The following CFLAR variants were observed in gnomAD, a reference collection of about 807,000 sequenced individuals.
The protein encoded by CFLAR is CASP8 and FADD like apoptosis regulator.
CFLAR carries 14 observed loss-of-function variants against 51.1 expected under a neutral mutation model. That is an observed-to-expected ratio of 0.27 (90% CI 0.18 to 0.43). The LOEUF is 0.43. Among genes scored for constraint, CFLAR ranks in the 20% least tolerant of loss-of-function variants. CFLAR has a pLI of 1.00. For synonymous variants in CFLAR, 210 were observed against 211.6 expected (o/e 0.99, Z 0.06); for missense variants, 390 against 566.5 (o/e 0.69, Z 3.16).
In CFLAR at chr2:201,155,712, C is replaced by T. The variant is rs530847031; in HGVS notation, c.794-4720C>T. The stretch of plus-strand genomic sequence containing the variant: ...AATCATGGCTCACTGCAGCCTTCAC[C>T]TCCCGGGCTCAAGCAATCCTCTCAC... On this transcript the variant is annotated intron_variant, in intron 8 of 9. Coordinates refer to ENST00000309955, the MANE Select transcript of CFLAR (RefSeq NM_003879.7). 1.1e-4 allele frequency among the ~76,000 whole-genome samples: 16 copies of T among 152,226 alleles called. No individual in the cohort carries two copies. In the South Asian group the frequency reaches 3.1e-3, roughly 30 times the overall value.
Position 201,164,819 on chromosome 2 carries a change from A to G in CFLAR, c.*846A>G, listed in dbSNP as rs1943384627. 1 of 152,246 alleles carries G rather than the reference A, an allele frequency of 6.6e-6. No individual in the cohort carries two copies. The highest frequency in any genetic ancestry group is 6.5e-5 in the Admixed American group (1 of 15,280). 9.4% of individuals were successfully genotyped at this position (152,246 alleles called of 1,614,324 possible). A position where few individuals can be genotyped will look rare whatever the true frequency, so the allele number is the denominator to read the frequency against. Reference sequence around the variant, plus strand: ...GACTTAAACAGCAGTTATTTCTCACAGTTCCGGAGGCTGGGAAATCCAACA... The same window carrying G: ...GACTTAAACAGCAGTTATTTCTCACGGTTCCGGAGGCTGGGAAATCCAACA... On this transcript the variant is annotated 3_prime_UTR_variant, in exon 10 of 10. Coordinates refer to ENST00000309955, the MANE Select transcript of CFLAR (RefSeq NM_003879.7).
intron 1 of CFLAR, among the ~76,000 whole-genome samples, chr2:201,126,350 A>C (rs2125636362): frequency 6.6e-6 from 1 of 152,284 alleles, no homozygotes; most frequent in South Asian, 2.1e-4. Context: ...AATCTGACGA[A>C]TTCCTGAGAA....
Position 201,124,978 on chromosome 2 carries a change from C to T in CFLAR, c.-137-4751C>T, listed in dbSNP as rs2048541605. 1.3e-5 allele frequency among the ~76,000 whole-genome samples: 2 copies of T among 152,140 alleles called. No individual in the cohort carries two copies. Among genetic ancestry groups the T allele is most frequent in the African/African-American group, 4.8e-5 (2 of 41,424 alleles). ...GAGGTCACCAGGGCCTCAACAAGAG[C>T]TGTGTCATCAGGGCTGGGATACTAG... On this transcript the variant is annotated intron_variant, in intron 1 of 9. Coordinates refer to ENST00000309955, the MANE Select transcript of CFLAR (RefSeq NM_003879.7). The surrounding 1 kb of genome is among the most constrained non-coding windows in gnomAD (Gnocchi z 4.7).
Position 201,164,712 on chromosome 2 carries a change from C to G in CFLAR, c.*739C>G, listed in dbSNP as rs540617087. Reference sequence around the variant, plus strand: ...AGATGTACCCGGGAACACTTTGCATCCTTCTATTCAATCAAGTTGATACTC... The same window carrying G: ...AGATGTACCCGGGAACACTTTGCATGCTTCTATTCAATCAAGTTGATACTC... On this transcript the variant is annotated 3_prime_UTR_variant, in exon 10 of 10. Transcript: ENST00000309955. The G allele has an allele frequency of 2.0e-5, 3 of 152,320 alleles. No homozygotes were observed. The South Asian group carries it at 6.2e-4, about 32-fold the overall frequency. The allele number at this position is 152,320 out of a possible 1,614,324, so 9.4% of individuals were successfully genotyped here.
chr2:201,146,701 G>A (rs1333603919), intron 6 of CFLAR: 1 of 152,454 alleles, frequency 6.6e-6, no homozygotes, highest in East Asian at 1.9e-4. Flanking sequence ...GATGGGCTGT[G>A]ATGGAGGGCT....
intron 1 of CFLAR, 101 bp from the exon 2 acceptor site, chr2:201,129,628 T>G (rs971490505): frequency 7.6e-6 from 4 of 524,076 alleles, no homozygotes; most frequent in African/African-American, 5.6e-5. Context: ...CTTAATCTAC[T>G]TAAGTCAGGG....
At chr2:201,126,551 G>A (rs2048735442) in intron 1 of CFLAR, among the ~76,000 whole-genome samples, 1 of 152,168 alleles carries the variant, frequency 6.6e-6, no homozygotes, top group Admixed American at 6.5e-5. Context: ...AAAGGAAAGG[G>A]AGAGTCTAAA....
chr2:201,132,430 AATAT>A (rs35648857), intron 2 of CFLAR, among the ~76,000 whole-genome samples: 11 of 137,918 alleles, frequency 8.0e-5, no homozygotes, highest in South Asian at 2.3e-4. Flanking sequence ...GGGGGGGAAA[AATAT>A]ATATATATAT....
rs1943907954 is a variant in CFLAR, at chr2:201,169,877, A to C, written c.*5904A>C. The stretch of plus-strand genomic sequence containing the variant: ...AAAGCTCAACCTTACTGATCATTAG[A>C]GAAATGCAAAGGAGAACCACAATGA... On this transcript the variant is annotated 3_prime_UTR_variant, in exon 10 of 10. Coordinates refer to ENST00000309955, the MANE Select transcript of CFLAR (RefSeq NM_003879.7). 1 of 152,270 alleles carries C rather than the reference A, an allele frequency of 6.6e-6. No homozygotes were observed. Among genetic ancestry groups the C allele is most frequent in the South Asian group, 2.1e-4 (1 of 4,836 alleles). The allele number at this position is 152,270 out of a possible 1,614,324, so 9.4% of individuals were successfully genotyped here.
In CFLAR at chr2:201,160,224, A is replaced by G. The variant is rs535445195; in HGVS notation, c.794-208A>G. Among the ~76,000 whole-genome samples, 12 of 152,334 alleles carry G rather than the reference A, an allele frequency of 7.9e-5. No homozygotes were observed. In the East Asian group the frequency reaches 2.3e-3, roughly 29 times the overall value. On this transcript the variant is annotated intron_variant, in intron 8 of 9. Transcript: ENST00000309955. ...CAGGAACAGTGGTATAGCAGGGTAT[A>G]GACCATATTTAGGGACCTAAAATCA... is the stretch of plus-strand genomic sequence containing the variant.
chr2:201,127,978 A>G (rs192278917), intron 1 of CFLAR, among the ~76,000 whole-genome samples: 56 of 152,294 alleles, frequency 3.7e-4, no homozygotes, highest in Non-Finnish European at 7.4e-5. Flanking sequence ...GTTGATACTT[A>G]TGAATTACAA....
intron 1 of CFLAR, chr2:201,122,558 G>GAGT (rs1186360566): frequency 6.6e-6 from 1 of 152,206 alleles, no homozygotes; most frequent in Admixed American, 6.5e-5. Context: ...TAATGAAGAT[G>GAGT]AGTAAAAGCC....
In CFLAR at chr2:201,118,675, C is replaced by G. The variant is rs1456869848; in HGVS notation, c.-138+2194C>G. Reference sequence around the variant, plus strand: ...ATGTCTTGTGTGGTAACATTTCAGCCGGTGGGTGGCGGGGATTAGGCGTGA... The same window carrying G: ...ATGTCTTGTGTGGTAACATTTCAGCGGGTGGGTGGCGGGGATTAGGCGTGA... On this transcript the variant is annotated intron_variant, in intron 1 of 9. Transcript: ENST00000309955. The surrounding 1 kb of genome is among the most constrained non-coding windows in gnomAD (Gnocchi z 5.1). The G allele has an allele frequency of 1.3e-5, 2 of 152,214 alleles. No homozygotes were observed. Among genetic ancestry groups the G allele is most frequent in the Non-Finnish European group, 2.9e-5 (2 of 68,056 alleles). The allele number at this position is 152,214 out of a possible 1,614,324, so 9.4% of individuals were successfully genotyped here. A position where few individuals can be genotyped will look rare whatever the true frequency, so the allele number is the denominator to read the frequency against.
Position 201,148,991 on chromosome 2 carries a change from C to T in CFLAR, c.662-12C>T, listed in dbSNP as rs371077858. 3.1e-6 allele frequency: 5 copies of T among 1,608,756 alleles called. No individual in the cohort carries two copies. Among genetic ancestry groups the T allele is most frequent in the African/African-American group, 1.3e-5 (1 of 74,852 alleles). ...TCAGCTTTGTAAATGGTTTCTCTCT[C>T]TCATCCCCCAGAAGAACCAGTGAAG... On this transcript the variant is annotated splice_polypyrimidine_tract_variant and intron_variant, in intron 6 of 9. Transcript: ENST00000309955.
intron 8 of CFLAR, among the ~76,000 whole-genome samples, chr2:201,153,932 G>A (rs1434259789): frequency 8.9e-6 from 1 of 112,994 alleles, no homozygotes; most frequent in African/African-American, 3.5e-5. Context: ...TTTTGACAGA[G>A]TCTTGCTCTG....
chr2:201,155,505 C>T (rs1942016557), intron 8 of CFLAR, among the ~76,000 whole-genome samples: 1 of 152,112 alleles, frequency 6.6e-6, no homozygotes, highest in Admixed American at 6.5e-5. Context: ...CTCAGGTGAT[C>T]CGCCCGCCTC....
In CFLAR at chr2:201,129,817, C is replaced by G; in HGVS notation, c.-49C>G. ...CCTGCTGGCTTTCTGTTGACTGGCC[C>G]GGAGCTGTACTGCAAGACCCTTGTG... is the stretch of plus-strand genomic sequence containing the variant. On this transcript the variant is annotated 5_prime_UTR_variant, in exon 2 of 10. Transcript: ENST00000309955. The G allele has an allele frequency of 6.4e-7, 1 of 1,574,502 alleles. No individual in the cohort carries two copies. The highest frequency in any genetic ancestry group is 8.7e-7 in the Non-Finnish European group (1 of 1,152,584).
rs2047847863 is a variant in CFLAR, at chr2:201,118,585, G to A, written c.-138+2104G>A. ...AATTTTACCACCCAGAGACACGCGA[G>A]TGGCCCTGTGCAAGTTTCAACTGCG... On this transcript the variant is annotated intron_variant, in intron 1 of 9. Transcript: ENST00000309955. This position sits in a 1 kb window ranked among gnomAD's most constrained non-coding sequence, Gnocchi z 5.1. 1.3e-5 allele frequency: 2 copies of A among 152,356 alleles called. No homozygotes were observed. Among genetic ancestry groups the A allele is most frequent in the African/African-American group, 4.8e-5 (2 of 41,456 alleles). The allele number at this position is 152,356 out of a possible 1,614,324, so 9.4% of individuals were successfully genotyped here. A position where few individuals can be genotyped will look rare whatever the true frequency, so the allele number is the denominator to read the frequency against.
Position 201,176,405 on chromosome 2 carries a change from T to G in CFLAR, c.*12432T>G, listed in dbSNP as rs1307076092. 1.3e-5 allele frequency: 2 copies of G among 152,040 alleles called. No individual in the cohort carries two copies. Among genetic ancestry groups the G allele is most frequent in the Non-Finnish European group, 2.9e-5 (2 of 68,032 alleles). 9.4% of individuals were successfully genotyped at this position (152,040 alleles called of 1,614,324 possible). ...GGTTGCCCAACACTCTTGGTGTGTG[T>G]CGGGGGAGCCCTCTCCTGCCTTGCT... On this transcript the variant is annotated 3_prime_UTR_variant, in exon 10 of 10. Transcript: ENST00000309955.
Sources: gnomAD v4.1 joint callset for allele counts (sites outside exome capture counted in the v4.1 genomes callset) on GRCh38, gnomAD v4.1.1 for gene constraint, Gnocchi (gnomAD v3.1) non-coding constraint, MANE v1.5 for transcripts, NCBI Gene and HGNC (gene_info 2026-07-23, HGNC 2026-07-21) for gene names.